Variants in RABGAP1L observed in about 807,000 individuals in gnomAD.
RABGAP1L encodes RAB GTPase activating protein 1 like.
Under a neutral mutation model 137.7 loss-of-function variants are expected in RABGAP1L, and 63 were observed. The ratio of observed to expected loss-of-function variants is 0.46; its 90% CI spans 0.37 to 0.56. The LOEUF (loss-of-function observed/expected upper bound fraction) is 0.56. Among genes scored for constraint, RABGAP1L ranks in the 20% least tolerant of loss-of-function variants. The pLI is 0.00. For synonymous variants in RABGAP1L, 431 were observed against 433.7 expected (o/e 0.99, Z 0.08); for missense variants, 1,095 against 1,244.0 (o/e 0.88, Z 1.80).
At chr1:174,552,083 T>C (rs1483881079) in intron 13 of RABGAP1L, among the ~76,000 whole-genome samples, 1 of 152,252 alleles carries the variant, frequency 6.6e-6, no homozygotes, top group African/African-American at 2.4e-5. Context: ...AAAAAAGATA[T>C]TAATACATGT....
intron 7 of RABGAP1L, among the ~76,000 whole-genome samples, chr1:174,272,189 A>G (rs748225222): frequency 1.3e-5 from 2 of 151,926 alleles, no homozygotes; most frequent in African/African-American, 2.4e-5. Flanking sequence ...CTTATTGGTA[A>G]TATTTTACAT....
intron 19 of RABGAP1L, among the ~76,000 whole-genome samples, chr1:174,827,053 C>T (rs138703095): frequency 2.6e-5 from 4 of 152,278 alleles, no homozygotes; most frequent in East Asian, 3.9e-4. Flanking sequence ...TTCTTGGTTT[C>T]CACATGGGAT....
intron 3 of RABGAP1L, among the ~76,000 whole-genome samples, chr1:174,222,965 G>A (rs967501312): frequency 2.6e-5 from 4 of 151,866 alleles, no homozygotes; most frequent in African/African-American, 4.8e-5. Flanking sequence ...GCAAAACCCC[G>A]TCTCTATTAA....
At chr1:174,676,401 T>G (rs922520477) in intron 14 of RABGAP1L, among the ~76,000 whole-genome samples, 6 of 152,206 alleles carry the variant, frequency 3.9e-5, no homozygotes, top group African/African-American at 1.4e-4. Flanking sequence ...TAGAATTCAC[T>G]AGGTTACTGA....
intron 19 of RABGAP1L, among the ~76,000 whole-genome samples, chr1:174,813,839 C>T (rs951745368): frequency 2.8e-4 from 42 of 152,226 alleles, no homozygotes; most frequent in African/African-American, 9.4e-4. Flanking sequence ...CTGATTGTTT[C>T]GGAGATGCCA....
chr1:174,777,032 A>G (rs1173348318), intron 18 of RABGAP1L, among the ~76,000 whole-genome samples: 1 of 152,202 alleles, frequency 6.6e-6, no homozygotes, highest in African/African-American at 2.4e-5. Flanking sequence ...ACATGACATA[A>G]AAAGGATCAT....
intron 13 of RABGAP1L, among the ~76,000 whole-genome samples, chr1:174,523,134 A>G (rs112450562): frequency 6.6e-5 from 10 of 152,342 alleles, no homozygotes; most frequent in East Asian, 1.9e-4. Flanking sequence ...AGAGTTTTCT[A>G]TGCCAAATTT....
At chr1:174,779,443 CA>C (rs1201229489) in intron 18 of RABGAP1L, among the ~76,000 whole-genome samples, 1 of 152,158 alleles carries the variant, frequency 6.6e-6, no homozygotes, top group Non-Finnish European at 1.5e-5. Flanking sequence ...TTTTTAAAGA[CA>C]GTGTGAGGCT....
chr1:174,926,766 T>C (rs1479892058), intron 19 of RABGAP1L, among the ~76,000 whole-genome samples: 1 of 152,126 alleles, frequency 6.6e-6, no homozygotes, highest in Non-Finnish European at 1.5e-5. Flanking sequence ...GCATCAACAG[T>C]AACTTCTCTG....
rs1305333822 is a variant in RABGAP1L, at chr1:174,951,171, T to C, written c.2341-6286T>C. Among the ~76,000 whole-genome samples the C allele has an allele frequency of 2.0e-5, 3 of 152,210 alleles. No individual in the cohort carries two copies. The East Asian group carries it at 5.8e-4, about 29-fold the overall frequency. On this transcript the variant is annotated intron_variant, in intron 19 of 25. Coordinates refer to ENST00000681986, the MANE Select transcript of RABGAP1L (RefSeq NM_001366446.1). ...TTGTACCTTTTATAAATATCTGTTATTGCGCTTATGAAACTAGATGATAAC... is the reference window on the plus strand; with the variant it reads ...TTGTACCTTTTATAAATATCTGTTACTGCGCTTATGAAACTAGATGATAAC...
At chr1:174,954,077 C>T (rs1371033306) in intron 19 of RABGAP1L, 1 of 152,240 alleles carries the variant, frequency 6.6e-6, no homozygotes, top group Non-Finnish European at 1.5e-5. Context: ...CGTCTGAATC[C>T]CATTCAGTAT....
chr1:174,327,982 C>CATATATATATATATGTATAT (rs1558136090), intron 11 of RABGAP1L, among the ~76,000 whole-genome samples: 1 of 24,758 alleles, frequency 4.0e-5, no homozygotes, highest in African/African-American at 1.5e-4. Flanking sequence ...TATATATACA[C>CATATATATATATATGTATAT]ACACATATAT....
At chr1:174,271,374 G>A (rs1470129358) in intron 7 of RABGAP1L, among the ~76,000 whole-genome samples, 1 of 152,112 alleles carries the variant, frequency 6.6e-6, no homozygotes, top group East Asian at 1.9e-4. Flanking sequence ...CAACAAGGAT[G>A]AGAATAACGG....
chr1:174,581,387 C>T (rs1308668910), intron 13 of RABGAP1L, among the ~76,000 whole-genome samples: 1 of 152,140 alleles, frequency 6.6e-6, no homozygotes, highest in African/African-American at 2.4e-5. Flanking sequence ...ATGTATGCTA[C>T]AACGTGGATG....
At chr1:174,245,071 G>A (rs1672145547) in intron 5 of RABGAP1L, 1 of 152,158 alleles carries the variant, frequency 6.6e-6, no homozygotes, top group Admixed American at 6.6e-5. Context: ...TCCTTGCATG[G>A]GAAAATTTCT....
intron 13 of RABGAP1L, among the ~76,000 whole-genome samples, chr1:174,556,196 C>T (rs1325734232): frequency 6.6e-6 from 1 of 151,826 alleles, no homozygotes; most frequent in African/African-American, 2.4e-5. Context: ...TGGGGTTTCA[C>T]CATCTTGGCC....
At chr1:174,929,308 T>A (rs1156521860) in intron 19 of RABGAP1L, among the ~76,000 whole-genome samples, 2 of 152,176 alleles carry the variant, frequency 1.3e-5, no homozygotes, top group African/African-American at 4.8e-5. Context: ...AATAGGATGC[T>A]GGAAGGAAAT....
intron 13 of RABGAP1L, among the ~76,000 whole-genome samples, chr1:174,419,825 G>A (rs1571714917): frequency 6.6e-6 from 1 of 151,970 alleles, no homozygotes; most frequent in East Asian, 1.9e-4. Context: ...GAGAATCAAA[G>A]AAGCAGAAGA....
intron 13 of RABGAP1L, among the ~76,000 whole-genome samples, chr1:174,517,462 T>C (rs908087198): frequency 1.3e-5 from 2 of 152,146 alleles, no homozygotes; most frequent in Admixed American, 6.6e-5. Context: ...AGATCTGGAG[T>C]GAACAAATTA....
Sources: gnomAD v4.1 joint callset for allele counts (sites outside exome capture counted in the v4.1 genomes callset) on GRCh38, gnomAD v4.1.1 for gene constraint, MANE v1.5 for transcripts, NCBI Gene and HGNC (gene_info 2026-07-23, HGNC 2026-07-21) for gene names.